LRBA: variants seen among roughly 807,000 people sequenced by gnomAD.
LRBA encodes lipopolysaccharide-responsive and beige-like anchor protein.
Under a neutral mutation model 330.0 loss-of-function variants are expected in LRBA, and 176 were observed. The ratio of observed to expected loss-of-function variants is 0.53; its 90% CI spans 0.47 to 0.60. LRBA has a LOEUF of 0.60. Among genes scored for constraint, LRBA ranks in the 20% least tolerant of loss-of-function variants. The pLI, the probability that LRBA is intolerant of heterozygous loss-of-function variation, is 0.00. For missense variants in LRBA, 3,259 were observed against 3,444.8 expected, an observed-to-expected ratio of 0.95 and a Z score of 1.35; for synonymous variants, 1,230 against 1,193.0, an observed-to-expected ratio of 1.03 and a Z score of -0.64.
intron 35 of LRBA, among the ~76,000 whole-genome samples, chr4:150,740,586 T>C (rs1731810238): frequency 7.0e-6 from 1 of 142,228 alleles, no homozygotes; most frequent in Non-Finnish European, 1.5e-5. Context: ...CATCAAAATA[T>C]GTAGGAAAAA....
At chr4:150,499,827 A>G (rs1337858256) in intron 40 of LRBA, among the ~76,000 whole-genome samples, 1 of 152,076 alleles carries the variant, frequency 6.6e-6, no homozygotes, top group Non-Finnish European at 1.5e-5. Context: ...CTCAATGCCA[A>G]TTCTTCCTTC....
intron 36 of LRBA, among the ~76,000 whole-genome samples, chr4:150,728,877 G>A (rs1243308535): frequency 6.6e-6 from 1 of 152,122 alleles, no homozygotes; most frequent in African/African-American, 2.4e-5. Flanking sequence ...AGGAGATAAA[G>A]AGCATTTAAA....
At chr4:150,350,818 G>C (rs907572302) in intron 47 of LRBA, among the ~76,000 whole-genome samples, 1 of 152,088 alleles carries the variant, frequency 6.6e-6, no homozygotes, top group Non-Finnish European at 1.5e-5. Flanking sequence ...ACAAGGCAAA[G>C]ACTATTTTGG....
At chr4:150,790,906 T>C (rs1302751981) in intron 34 of LRBA, among the ~76,000 whole-genome samples, 1 of 152,218 alleles carries the variant, frequency 6.6e-6, no homozygotes, top group African/African-American at 2.4e-5. Context: ...ACCCTATTGA[T>C]TCTCATTCCA....
In LRBA at chr4:150,405,970, G is replaced by A. The variant is rs1440955691; in HGVS notation, c.7194+9468C>T. ...CTCAGGAGGCTGTGGTGAGAAGATC[G>A]TTTGAGCCCAGGAGGTTGAGGCTGC... On this transcript the variant is annotated intron_variant, in intron 47 of 56. Transcript: ENST00000651943. Among the ~76,000 whole-genome samples the A allele has an allele frequency of 2.6e-5, 4 of 152,228 alleles. No homozygotes were observed. The East Asian group carries it at 5.8e-4, about 22-fold the overall frequency.
At chr4:150,456,116 G>A (rs555155257) in intron 44 of LRBA, among the ~76,000 whole-genome samples, 8 of 152,134 alleles carry the variant, frequency 5.3e-5, no homozygotes, top group African/African-American at 1.4e-4. Context: ...TATTGTGAAC[G>A]GTGCTGCCAA....
chr4:150,714,630 G>A (rs1427629774), intron 36 of LRBA, among the ~76,000 whole-genome samples: 1 of 152,110 alleles, frequency 6.6e-6, no homozygotes, highest in Admixed American at 6.6e-5. Context: ...AAAAATTGCT[G>A]AGAGTAGATT....
intron 53 of LRBA, among the ~76,000 whole-genome samples, chr4:150,290,767 A>G (rs1212972622): frequency 6.6e-6 from 1 of 152,068 alleles, no homozygotes; most frequent in African/African-American, 2.4e-5. Flanking sequence ...GTCAAATGAG[A>G]TTAAAGACAG....
At chr4:150,290,216 T>C (rs1379732800) in intron 53 of LRBA, among the ~76,000 whole-genome samples, 1 of 152,092 alleles carries the variant, frequency 6.6e-6, no homozygotes, top group African/African-American at 2.4e-5. Context: ...GGAGAAATAA[T>C]CAGCTCAAAC....
At chr4:150,533,953 T>G (rs773101812) in intron 40 of LRBA, among the ~76,000 whole-genome samples, 1 of 152,144 alleles carries the variant, frequency 6.6e-6, no homozygotes, top group Non-Finnish European at 1.5e-5. Context: ...GGCTCAGTCA[T>G]GAAGATGCTG....
intron 2 of LRBA, among the ~76,000 whole-genome samples, chr4:150,955,399 G>C (rs1431579887): frequency 6.7e-6 from 1 of 149,278 alleles, no homozygotes; most frequent in Non-Finnish European, 1.5e-5. Flanking sequence ...AGCTGTAAAT[G>C]CCTACTTTAA....
intron 13 of LRBA, among the ~76,000 whole-genome samples, chr4:150,903,555 A>G (rs991158604): frequency 6.6e-6 from 1 of 152,178 alleles, no homozygotes; most frequent in Middle Eastern, 3.4e-3. Context: ...CCTGGGCAAC[A>G]TGGCAAAACA....
intron 47 of LRBA, among the ~76,000 whole-genome samples, chr4:150,370,028 A>G (rs1740038665): frequency 6.6e-6 from 1 of 152,184 alleles, no homozygotes; most frequent in Non-Finnish European, 1.5e-5. Flanking sequence ...TTTAACTATG[A>G]TACTTCTATC....
chr4:150,590,054 T>G (rs1260947909), intron 39 of LRBA, among the ~76,000 whole-genome samples: 1 of 152,208 alleles, frequency 6.6e-6, no homozygotes, highest in Non-Finnish European at 1.5e-5. Context: ...AATTTTCACC[T>G]ATTGAAATTA....
At chr4:150,305,503 T>C (rs1236576468) in intron 52 of LRBA, among the ~76,000 whole-genome samples, 1 of 152,216 alleles carries the variant, frequency 6.6e-6, no homozygotes, top group African/African-American at 2.4e-5. Flanking sequence ...GGTGAACAAA[T>C]AGACATGGTC....
intron 20 of LRBA, among the ~76,000 whole-genome samples, chr4:150,869,714 T>A (rs1579051111): frequency 6.6e-6 from 1 of 151,708 alleles, no homozygotes; most frequent in East Asian, 1.9e-4. Flanking sequence ...TCTCCAGAAC[T>A]TAGCTTCTTA....
intron 34 of LRBA, among the ~76,000 whole-genome samples, chr4:150,779,934 A>G (rs1436165018): frequency 3.3e-5 from 5 of 152,210 alleles, no homozygotes; most frequent in Non-Finnish European, 5.9e-5. Context: ...AAGTAACCCA[A>G]TAAAATAGTG....
chr4:150,786,092 T>A (rs1739016640), intron 34 of LRBA, among the ~76,000 whole-genome samples: 1 of 152,200 alleles, frequency 6.6e-6, no homozygotes, highest in Admixed American at 6.5e-5. Context: ...GGATGAGAAG[T>A]GCCTGAATTC....
chr4:150,712,424 T>C (rs866878451), intron 36 of LRBA, among the ~76,000 whole-genome samples: 7 of 152,142 alleles, frequency 4.6e-5, no homozygotes, highest in Admixed American at 1.3e-4. Context: ...GACTATATTA[T>C]AGGAATAAAA....
Sources: gnomAD v4.1 joint callset for allele counts (sites outside exome capture counted in the v4.1 genomes callset) on GRCh38, gnomAD v4.1.1 for gene constraint, MANE v1.5 for transcripts, NCBI Gene and HGNC (gene_info 2026-07-23, HGNC 2026-07-21) for gene names.